The following ENPP2 variants were observed in gnomAD, a reference collection of about 807,000 sequenced individuals.
The protein encoded by ENPP2 is ectonucleotide pyrophosphatase/phosphodiesterase 2.
Under a neutral mutation model 120.2 loss-of-function variants are expected in ENPP2, and 51 were observed. The observed-to-expected ratio is 0.42, with a 90% CI of 0.34 to 0.54. The LOEUF is 0.54. ENPP2 is among the 20% of genes least tolerant of loss of function. The pLI is 0.04. For synonymous variants in ENPP2, 365 were observed against 366.4 expected (o/e 1.00, Z 0.04); for missense variants, 920 against 1,066.5 (o/e 0.86, Z 1.91).
chr8:119,615,030 A>G (rs1210363051), intron 8 of ENPP2, among the ~76,000 whole-genome samples: 1 of 152,190 alleles, frequency 6.6e-6, no homozygotes, highest in Non-Finnish European at 1.5e-5. Flanking sequence ...CTATTATGCA[A>G]TATAAATATT....
intron 4 of ENPP2, 133 bp from the exon 5 acceptor site, chr8:119,619,437 GA>G: frequency 1.7e-5 from 10 of 591,984 alleles, no homozygotes; most frequent in South Asian, 2.3e-5. Context: ...AAAAAATTCT[GA>G]AAAAAAAATC....
intron 8 of ENPP2, among the ~76,000 whole-genome samples, chr8:119,610,728 C>G (rs970008041): frequency 1.3e-5 from 2 of 151,710 alleles, no homozygotes; most frequent in Non-Finnish European, 2.9e-5. Flanking sequence ...CATGGTGAAA[C>G]CCATCTCTAC....
At chr8:119,648,785 G>A (rs1817546013) in intron 1 of ENPP2, among the ~76,000 whole-genome samples, 1 of 152,160 alleles carries the variant, frequency 6.6e-6, no homozygotes, top group Admixed American at 6.5e-5. Context: ...ATATTTAATG[G>A]TGAAAGACTG....
At chr8:119,634,369 C>T (rs916034540) in intron 2 of ENPP2, among the ~76,000 whole-genome samples, 1 of 152,128 alleles carries the variant, frequency 6.6e-6, no homozygotes, top group African/African-American at 2.4e-5. Flanking sequence ...TAGCATAAAT[C>T]TGAATGATTT....
chr8:119,621,171 T>C lies in ENPP2; in HGVS notation c.418+223A>G, dbSNP rs144909748. On this transcript the variant is annotated intron_variant, in intron 4 of 24. Coordinates refer to ENST00000075322, the MANE Select transcript of ENPP2 (RefSeq NM_001040092.3). ...ATTTAGAAATCTCTTCATTATTATGTTTCTGTCTAATTAAGAAATTCTGGT... is the reference window on the plus strand; with the variant it reads ...ATTTAGAAATCTCTTCATTATTATGCTTCTGTCTAATTAAGAAATTCTGGT... Among the ~76,000 whole-genome samples the C allele has an allele frequency of 1.9e-3, 285 of 152,356 alleles. 2 individuals carry two copies. Among genetic ancestry groups the C allele is most frequent in the African/African-American group, 6.3e-3 (261 of 41,582 alleles).
intron 1 of ENPP2, among the ~76,000 whole-genome samples, chr8:119,667,192 G>A (rs1491002714): frequency 6.6e-6 from 1 of 152,160 alleles, no homozygotes; most frequent in Non-Finnish European, 1.5e-5. Flanking sequence ...ACCAAGCTCA[G>A]ATATGTGAAC....
intron 8 of ENPP2, among the ~76,000 whole-genome samples, chr8:119,613,558 C>A (rs1440933125): frequency 1.3e-5 from 2 of 152,000 alleles, no homozygotes; most frequent in African/African-American, 4.8e-5. Context: ...TAAATATTTT[C>A]TCTTATAAAT....
chr8:119,662,898 G>A (rs1817961713), intron 1 of ENPP2, among the ~76,000 whole-genome samples: 1 of 152,164 alleles, frequency 6.6e-6, no homozygotes, highest in Non-Finnish European at 1.5e-5. Flanking sequence ...ATCACTTGAG[G>A]TCAGGAGTTC....
intron 1 of ENPP2, among the ~76,000 whole-genome samples, chr8:119,653,519 A>C (rs1196056841): frequency 6.6e-6 from 1 of 152,186 alleles, no homozygotes; most frequent in African/African-American, 2.4e-5. Context: ...TCTTGGAAAA[A>C]ATAGCAGGTG....
chr8:119,656,219 C>T (rs1048076349), intron 1 of ENPP2, among the ~76,000 whole-genome samples: 6 of 152,044 alleles, frequency 3.9e-5, no homozygotes, highest in African/African-American at 1.4e-4. Context: ...TTTCCCTTTC[C>T]TCCTAAGAAC....
At chr8:119,604,431 A>G (rs1157593370) in intron 9 of ENPP2, among the ~76,000 whole-genome samples, 1 of 152,222 alleles carries the variant, frequency 6.6e-6, no homozygotes, top group Non-Finnish European at 1.5e-5. Flanking sequence ...CATGGCCCTT[A>G]GCCATTAGCA....
chr8:119,604,925 C>G (rs1447571076), intron 9 of ENPP2, among the ~76,000 whole-genome samples: 2 of 152,106 alleles, frequency 1.3e-5, no homozygotes, highest in Non-Finnish European at 2.9e-5. Context: ...AGGCGCCCAC[C>G]ACCACGCCTG....
At chr8:119,617,703 C>A in intron 5 of ENPP2, 140 bp from the exon 6 acceptor site, 1 of 630,282 alleles carries the variant, frequency 1.6e-6, no homozygotes, top group Non-Finnish European at 2.8e-6. Context: ...AATCCCAGCA[C>A]TTTGGGAGTC....
chr8:119,584,256 C>T (rs180730338), intron 15 of ENPP2, among the ~76,000 whole-genome samples: 15 of 152,232 alleles, frequency 9.9e-5, no homozygotes, highest in Admixed American at 4.6e-4. Flanking sequence ...GGATAAATGG[C>T]GACCTGTGAA....
intron 1 of ENPP2, among the ~76,000 whole-genome samples, chr8:119,669,269 C>A (rs1284930202): frequency 6.6e-6 from 1 of 152,144 alleles, no homozygotes; most frequent in African/African-American, 2.4e-5. Context: ...CTTTTCTAAT[C>A]TAGAAGAAGA....
intron 1 of ENPP2, among the ~76,000 whole-genome samples, chr8:119,650,213 G>A (rs11778296): frequency 0.074 from 11,259 of 152,138 alleles, 598 homozygotes; most frequent in Middle Eastern, 0.18. Context: ...AAAACATTAC[G>A]CTGGGTGAAA....
At chr8:119,597,653 C>T (rs763187789) in intron 11 of ENPP2, among the ~76,000 whole-genome samples, 4 of 152,040 alleles carry the variant, frequency 2.6e-5, no homozygotes, top group Non-Finnish European at 5.9e-5. Flanking sequence ...TGCCTGTAGG[C>T]CCGGAAGAGC....
Position 119,586,296 on chromosome 8 carries a change from C to T in ENPP2, c.1257G>A (p.Gln419=), listed in dbSNP as rs1478136619. ...IANLTCKKPD[Q]HFKPYLKQHL... is the part of the protein sequence containing the mutation. ...GCTGTTTCAAGTAAGGCTTAAAGTG[C>T]TGATCTGGTTTTTTACACTGAAATA... The change falls in exon 15 of 25, where the codon CAG becomes CAA. Residue 419 remains glutamine, a synonymous_variant. Transcript: ENST00000075322. 1.9e-6 allele frequency: 3 copies of T among 1,613,798 alleles called. No homozygotes were observed. Among genetic ancestry groups the T allele is most frequent in the Non-Finnish European group, 2.5e-6 (3 of 1,179,860 alleles).
chr8:119,623,027 A>G (rs1816015456), intron 3 of ENPP2, among the ~76,000 whole-genome samples: 1 of 152,218 alleles, frequency 6.6e-6, no homozygotes, highest in South Asian at 2.1e-4. Flanking sequence ...GAAAGGTGTC[A>G]CTGAGCTAAA....
Sources: gnomAD v4.1 joint callset for allele counts (sites outside exome capture counted in the v4.1 genomes callset) on GRCh38, gnomAD v4.1.1 for gene constraint, MANE v1.5 for transcripts, NCBI Gene and HGNC (gene_info 2026-07-23, HGNC 2026-07-21) for gene names.